Variants in KARS1 observed in about 807,000 individuals in gnomAD.
KARS1 encodes lysyl-tRNA synthetase 1, also known as lysine--tRNA ligase.
In KARS1, 50 loss-of-function variants were observed where a neutral mutation model predicts 63.9. The ratio of observed to expected loss-of-function variants is 0.78; its 90% CI spans 0.62 to 0.99. The LOEUF is 0.99. Ranked by LOEUF, KARS1 falls within the 50% of genes least tolerant of loss-of-function variation. The pLI, the probability that KARS1 is intolerant of heterozygous loss-of-function variation, is 0.00. For synonymous variants in KARS1, 320 were observed against 264.6 expected, an observed-to-expected ratio of 1.21 and a Z score of -2.03; for missense variants, 816 against 754.5, an observed-to-expected ratio of 1.08 and a Z score of -0.95.
chr16:75,633,337 C>G (rs2082131668), intron 7 of KARS1, among the ~76,000 whole-genome samples: 1 of 152,024 alleles, frequency 6.6e-6, no homozygotes, highest in South Asian at 2.1e-4. Flanking sequence ...GCAGGCAGAC[C>G]CCCGCAGCTA....
rs757777964 is a variant in KARS1 at position 75,636,440 on chromosome 16, G to T, written c.482+14C>A. 8.4e-6 allele frequency: 13 copies of T among 1,539,018 alleles called. No individual in the cohort carries two copies. Among genetic ancestry groups the T allele is most frequent in the Non-Finnish European group, 1.2e-5 (13 of 1,111,524 alleles). On this transcript the variant is annotated intron_variant, in intron 4 of 13. Coordinates refer to ENST00000302445, the MANE Select transcript of KARS1 (RefSeq NM_005548.3). ...CCAACCAAGAAAGGTCTATAACTGGGTATTTCGAGATACCTGGAATTGGCC... is the reference window on the plus strand; with the variant it reads ...CCAACCAAGAAAGGTCTATAACTGGTTATTTCGAGATACCTGGAATTGGCC...
chr16:75,634,460 C>T (rs571244623), intron 6 of KARS1, among the ~76,000 whole-genome samples, 168 bp from the exon 7 acceptor site: 8 of 152,336 alleles, frequency 5.3e-5, no homozygotes, highest in African/African-American at 1.4e-4. Context: ...TGATTTTCTA[C>T]GACAGTGTCT....
Position 75,628,638 on chromosome 16 carries a change from G to A in KARS1, c.1626C>T (p.Pro542=), listed in dbSNP as rs1276484248. ...NFCTALEYGL[P]PTAGWGMGID... ...TGCCCATGCCCCAGCCAGCTGTGGG[G>A]GGCAGCCCATATTCCAGGGCAGTAC... Residue 542 remains proline (P), a synonymous_variant, in exon 13 of 14, where the codon CCC becomes CCT. Coordinates refer to ENST00000302445, the MANE Select transcript of KARS1 (RefSeq NM_005548.3). 2 of 1,614,138 alleles carry A rather than the reference G, an allele frequency of 1.2e-6. No homozygotes were observed. The highest frequency in any genetic ancestry group is 8.5e-7 in the Non-Finnish European group (1 of 1,180,028).
chr16:75,638,413 G>A (rs947583946), intron 3 of KARS1, among the ~76,000 whole-genome samples: 19 of 151,814 alleles, frequency 1.3e-4, no homozygotes, highest in Non-Finnish European at 5.9e-5. Context: ...AGGCCCCAGT[G>A]TGTGATGTTC....
intron 6 of KARS1, 121 bp downstream of exon 6, chr16:75,635,559 A>G: frequency 9.0e-7 from 1 of 1,106,950 alleles, no homozygotes; most frequent in Non-Finnish European, 1.4e-6. Flanking sequence ...AGAAAAGGGG[A>G]CATTCTCATT....
chr16:75,640,399 A>C, intron 2 of KARS1, 50 bp from the exon 3 acceptor site: 2 of 1,587,110 alleles, frequency 1.3e-6, no homozygotes, highest in Middle Eastern at 2.1e-4. Context: ...ACCTGGTCAG[A>C]CCAGTGGGGC....
chr16:75,644,375 G>T, intron 1 of KARS1: 1 of 1,612,568 alleles, frequency 6.2e-7, no homozygotes, highest in Non-Finnish European at 8.5e-7. Flanking sequence ...ACTCTGCCCA[G>T]GAGGTTTTGC....
chr16:75,629,110 C>G, intron 12 of KARS1: 1 of 469,896 alleles, frequency 2.1e-6, no homozygotes, highest in Non-Finnish European at 3.9e-6. Context: ...CTCTACCTAC[C>G]TCCCAGCCCT....
intron 1 of KARS1, among the ~76,000 whole-genome samples, chr16:75,646,707 C>A (rs193115500): frequency 6.6e-6 from 1 of 152,002 alleles, no homozygotes; most frequent in Admixed American, 6.5e-5. Flanking sequence ...AGTGCAGTGG[C>A]ACGACTTCAG....
At chr16:75,645,819 CCGGGGCAA>C (rs1353145631) in intron 1 of KARS1, among the ~76,000 whole-genome samples, 2 of 147,126 alleles carry the variant, frequency 1.4e-5, no homozygotes, top group Admixed American at 1.4e-4. Flanking sequence ...TGCAATCCAG[CCGGGGCAA>C]CAACGACTCT....
chr16:75,640,214 G>A lies in KARS1; in HGVS notation c.358C>T (p.His120Tyr). 1 of 1,614,154 alleles carries A rather than the reference G, an allele frequency of 6.2e-7. No homozygotes were observed. The part of the protein sequence containing the change: ...QKYSHLQPGD[H>Y]LTDITLKVAG... ...ACCTTTAAGGTGATGTCAGTCAGGT[G>A]ATCCCCAGGCTGCAGGTGACTATAT... Residue 120 changes from histidine (H) to tyrosine (Y), a missense_variant, in exon 3 of 14, where the codon CAC becomes TAC. Physicochemically the swap from His to Tyr is moderately conservative, Grantham distance 83. Transcript: ENST00000302445.
intron 1 of KARS1, chr16:75,642,777 G>C (rs2082239862): frequency 1.3e-5 from 2 of 152,166 alleles, no homozygotes; most frequent in Non-Finnish European, 2.9e-5. Flanking sequence ...GGCTGCCTGG[G>C]ACTAAATTCC....
In KARS1 at chr16:75,640,315, T is replaced by G. The variant is rs1267918189; in HGVS notation, c.257A>C (p.Gln86Pro). 6.2e-7 allele frequency: 1 copy of G among 1,611,936 alleles called. No individual in the cohort carries two copies. The highest frequency in any genetic ancestry group is 1.7e-5 in the Admixed American group (1 of 59,698). Reference protein sequence around the residue: ...YYKIRSQAIHQLKVNGEDPYP... With the variant: ...YYKIRSQAIHPLKVNGEDPYP... ...TGGGTCTTCCCCATTGACCTTCAGC[T>G]GATGAATTGCTTGACTGCGGATTTT... The change falls in exon 3 of 14, where the codon CAG becomes CCG. Residue 86 changes from glutamine to proline, a missense_variant. Gln to Pro is a moderately conservative substitution (Grantham distance 76). Coordinates refer to ENST00000302445, the MANE Select transcript of KARS1 (RefSeq NM_005548.3).
chr16:75,635,542 G>T, intron 6 of KARS1, 138 bp downstream of exon 6: 2 of 985,572 alleles, frequency 2.0e-6, no homozygotes, highest in Non-Finnish European at 1.6e-6. Flanking sequence ...GAACAGAGAC[G>T]ATGGCAAGAA....
Position 75,634,297 on chromosome 16 carries a change from A to T in KARS1, c.796-5T>A. 1 of 1,613,920 alleles carries T rather than the reference A, an allele frequency of 6.2e-7. No homozygotes were observed. The highest frequency in any genetic ancestry group is 8.5e-7 in the Non-Finnish European group (1 of 1,179,870). On this transcript the variant is annotated splice_polypyrimidine_tract_variant and splice_region_variant and intron_variant, in intron 6 of 13. Transcript: ENST00000302445. ...GTTCATCATGGGAGTTTCAATCTAAAAAAGGCAGGGAGAAACATCAGTCCT... is the reference window on the plus strand; with the variant it reads ...GTTCATCATGGGAGTTTCAATCTAATAAAGGCAGGGAGAAACATCAGTCCT...
intron 6 of KARS1, 74 bp downstream of exon 6, chr16:75,635,606 A>G: frequency 1.3e-6 from 2 of 1,549,214 alleles, no homozygotes; most frequent in South Asian, 1.1e-5. Flanking sequence ...ACGCTTTGGA[A>G]AAGGAAGGCA....
chr16:75,634,749 G>T (rs2082146033), intron 6 of KARS1, among the ~76,000 whole-genome samples: 1 of 152,024 alleles, frequency 6.6e-6, no homozygotes, highest in South Asian at 2.1e-4. Flanking sequence ...CTAATTTTTT[G>T]TGTTTTTAGT....
At chr16:75,628,371 T>C (rs1468507314) in intron 13 of KARS1, among the ~76,000 whole-genome samples, 198 bp downstream of exon 13, 1 of 152,008 alleles carries the variant, frequency 6.6e-6, no homozygotes, top group African/African-American at 2.4e-5. Flanking sequence ...GTATTCCTTC[T>C]GCCCCTGGTA....
chr16:75,630,686 A>G (rs1395315456), intron 10 of KARS1, among the ~76,000 whole-genome samples, 178 bp from the exon 11 acceptor site: 3 of 151,958 alleles, frequency 2.0e-5, no homozygotes, highest in Non-Finnish European at 2.9e-5. Context: ...CCCAGGCTGG[A>G]GTGCAGTGGC....
Sources: allele counts gnomAD v4.1 joint callset (sites outside exome capture counted in the v4.1 genomes callset), GRCh38; gene constraint gnomAD v4.1.1; transcripts MANE v1.5; gene names NCBI Gene and HGNC (gene_info 2026-07-23, HGNC 2026-07-21).